Variants in ETFA observed in about 807,000 individuals in gnomAD.
The protein encoded by ETFA is electron transfer flavoprotein subunit alpha.
In ETFA, 22 loss-of-function variants were observed where a neutral mutation model predicts 46.2. That is an observed-to-expected ratio of 0.48 (90% CI 0.34 to 0.68). The LOEUF (loss-of-function observed/expected upper bound fraction) is 0.68. Ranked by LOEUF, ETFA falls within the 30% of genes least tolerant of loss-of-function variation. The pLI, the probability that ETFA is intolerant of heterozygous loss-of-function variation, is 0.01. For synonymous variants in ETFA, 131 were observed against 139.9 expected (o/e 0.94, Z 0.45); for missense variants, 345 against 401.1 (o/e 0.86, Z 1.19).
intron 9 of ETFA, chr15:76,260,560 C>A (rs1007042814): frequency 2.0e-6 from 3 of 1,492,662 alleles, no homozygotes; most frequent in Non-Finnish European, 2.8e-6. Flanking sequence ...GGATCCCAGC[C>A]TGTCAAATTG....
In ETFA at chr15:76,281,377, AC is replaced by A. The variant is rs1379342786; in HGVS notation, c.733+2379del. 3.5e-5 allele frequency among the ~76,000 whole-genome samples: 5 copies of A among 142,146 alleles called. No individual in the cohort carries two copies. The South Asian group carries it at 1.1e-3, about 32-fold the overall frequency. The allele number at this position is 142,146 out of a possible 152,430, so 93.3% of individuals were successfully genotyped here. On this transcript the variant is annotated intron_variant, in intron 8 of 11. Coordinates refer to ENST00000557943, the MANE Select transcript of ETFA (RefSeq NM_000126.4). ...CTTCAATCTTTCCCTTCAATTCTCC[AC>A]CCCCCATAACCCATCCTATTAGTCT...
At chr15:76,272,307 G>A (rs1390763527) in intron 9 of ETFA, among the ~76,000 whole-genome samples, 1 of 148,702 alleles carries the variant, frequency 6.7e-6, no homozygotes, top group Non-Finnish European at 1.5e-5. Context: ...TGCAACCTCC[G>A]CCTCCTGGGT....
intron 1 of ETFA, among the ~76,000 whole-genome samples, chr15:76,301,253 T>G (rs1369301566): frequency 6.6e-6 from 1 of 152,206 alleles, no homozygotes; most frequent in East Asian, 1.9e-4. Context: ...ATTGCCTTCA[T>G]TACAGCACTT....
intron 9 of ETFA, chr15:76,261,018 T>C: frequency 1.2e-6 from 2 of 1,608,258 alleles, no homozygotes; most frequent in Non-Finnish European, 1.7e-6. Flanking sequence ...CACGGTGATG[T>C]TGAAGGGGAC....
Position 76,285,721 on chromosome 15 carries a change from CT to C in ETFA, c.579del (p.Val194TrpfsTer11). 6.2e-7 allele frequency: 1 copy of C among 1,605,584 alleles called. No individual in the cohort carries two copies. The highest frequency in any genetic ancestry group is 8.5e-7 in the Non-Finnish European group (1 of 1,172,300). ...ASSEKASSTS[P>X]VEISEWLDQK... is the part of the protein sequence containing the mutation. ...TGGTCAAGCCACTCTGATATTTCCA[CT>C]GGTGAAGTACTTGATGCTGCATACA... On this transcript the variant is annotated frameshift_variant, in exon 7 of 12. Transcript: ENST00000557943. LOFTEE classifies it high-confidence loss of function.
intron 1 of ETFA, among the ~76,000 whole-genome samples, chr15:76,298,262 T>G (rs2039846602): frequency 1.3e-5 from 2 of 152,136 alleles, no homozygotes; most frequent in East Asian, 3.8e-4. Flanking sequence ...CAGGCTGGCC[T>G]TGAACTCCTG....
intron 9 of ETFA, among the ~76,000 whole-genome samples, chr15:76,269,081 C>T (rs2039502208): frequency 6.6e-6 from 1 of 151,828 alleles, no homozygotes; most frequent in African/African-American, 2.4e-5. Flanking sequence ...CCATTGGAAG[C>T]TCTACACTTG....
intron 11 of ETFA, among the ~76,000 whole-genome samples, chr15:76,219,420 G>T (rs2038932895): frequency 6.6e-6 from 1 of 152,080 alleles, no homozygotes; most frequent in Non-Finnish European, 1.5e-5. Context: ...TTTGGCAATG[G>T]ATTCTTAGAT....
In ETFA at chr15:76,269,224, G is replaced by A. The variant is rs543742975; in HGVS notation, c.816+5188C>T. 2.0e-3 allele frequency among the ~76,000 whole-genome samples: 305 copies of A among 152,300 alleles called. 1 individual carries two copies. Among genetic ancestry groups the A allele is most frequent in the Middle Eastern group, 3.4e-3 (1 of 294 alleles). On this transcript the variant is annotated intron_variant, in intron 9 of 11. Transcript: ENST00000557943. Reference sequence around the variant, plus strand: ...GTGGCGGTTTTACAAAAAAGAAAAGGGGGGCATGTTGGGAGAAGAGCTGAG... The same window carrying A: ...GTGGCGGTTTTACAAAAAAGAAAAGAGGGGCATGTTGGGAGAAGAGCTGAG...
At chr15:76,260,892 A>G in intron 9 of ETFA, 4 of 1,611,988 alleles carry the variant, frequency 2.5e-6, no homozygotes, top group Non-Finnish European at 2.5e-6. Flanking sequence ...CACAACAGCC[A>G]GGACTTCCCA....
chr15:76,297,634 G>A (rs966509192), intron 1 of ETFA, among the ~76,000 whole-genome samples: 12 of 151,930 alleles, frequency 7.9e-5, no homozygotes, highest in Non-Finnish European at 1.8e-4. Context: ...TTATCCTAAG[G>A]AACCATCAAG....
At chr15:76,298,777 T>TAAAAAA (rs780793060) in intron 1 of ETFA, among the ~76,000 whole-genome samples, 14 of 147,836 alleles carry the variant, frequency 9.5e-5, no homozygotes, top group Non-Finnish European at 1.9e-4. Flanking sequence ...TTCTTGTGCT[T>TAAAAAA]AAAAAAAAAA....
At chr15:76,223,488 G>A (rs1347436855) in intron 11 of ETFA, among the ~76,000 whole-genome samples, 1 of 152,200 alleles carries the variant, frequency 6.6e-6, no homozygotes, top group African/African-American at 2.4e-5. Flanking sequence ...CTCCCAAAGT[G>A]CTGGGATTGC....
At chr15:76,255,328 A>G (rs1302992808) in intron 9 of ETFA, among the ~76,000 whole-genome samples, 5 of 152,256 alleles carry the variant, frequency 3.3e-5, no homozygotes. Flanking sequence ...TTATTTTAAC[A>G]TAAATGACAT....
intron 9 of ETFA, among the ~76,000 whole-genome samples, chr15:76,237,722 G>A (rs1567199545): frequency 6.6e-6 from 1 of 152,106 alleles, no homozygotes; most frequent in Non-Finnish European, 1.5e-5. Flanking sequence ...TAAACTAGAA[G>A]GCATTTTTAA....
chr15:76,273,847 A>T (rs2039566591), intron 9 of ETFA, among the ~76,000 whole-genome samples: 1 of 152,228 alleles, frequency 6.6e-6, no homozygotes, highest in Non-Finnish European at 1.5e-5. Flanking sequence ...CAACTTTGAG[A>T]CCAAAATTTC....
Position 76,292,477 on chromosome 15 carries a change from T to G in ETFA, c.305A>C (p.Gln102Pro). 1 of 1,614,022 alleles carries G rather than the reference T, an allele frequency of 6.2e-7. No homozygotes were observed. The change falls in exon 4 of 12, where the codon CAG becomes CCG. Residue 102 changes from glutamine (Q) to proline (P), a missense_variant. Coordinates refer to ENST00000557943, the MANE Select transcript of ETFA (RefSeq NM_000126.4). ...AGCACAGATGTGTGTGTAATTGAAC[T>G]GCTTCTGAGTTGCCAAAATCAATGG... ...LTPLILATQK[Q>P]FNYTHICAGA...
chr15:76,259,352 C>G, intron 9 of ETFA: 4 of 1,591,494 alleles, frequency 2.5e-6, no homozygotes, highest in Non-Finnish European at 3.4e-6. Flanking sequence ...GGTCAGCACT[C>G]CAGCACTGGT....
chr15:76,219,956 T>C (rs575853238), intron 11 of ETFA, among the ~76,000 whole-genome samples: 1 of 152,248 alleles, frequency 6.6e-6, no homozygotes. Context: ...AATTATCATA[T>C]GATCCAGCAA....
Sources: gnomAD v4.1 joint callset for allele counts (sites outside exome capture counted in the v4.1 genomes callset) on GRCh38, gnomAD v4.1.1 for gene constraint, MANE v1.5 for transcripts, NCBI Gene and HGNC (gene_info 2026-07-23, HGNC 2026-07-21) for gene names.